Variants in TMEM63B observed in about 807,000 individuals in gnomAD.
TMEM63B encodes transmembrane protein 63B, also known as mechanosensitive cation channel TMEM63B.
Under a neutral mutation model 102.6 loss-of-function variants are expected in TMEM63B, and 23 were observed. The ratio of observed to expected loss-of-function variants is 0.22; its 90% CI spans 0.16 to 0.32. The LOEUF is 0.32. TMEM63B is among the 10% of genes least tolerant of loss of function. TMEM63B has a pLI of 1.00. For missense variants in TMEM63B, 628 were observed against 1,095.9 expected (o/e 0.57, Z 6.03); for synonymous variants, 444 against 437.0 (o/e 1.02, Z -0.20).
Position 44,138,736 on chromosome 6 carries a change from G to GTCCCCCCCC in TMEM63B, c.407+219_407+220insTCCCCCCCC, listed in dbSNP as rs567563400. 624 of 287,772 alleles carry GTCCCCCCCC rather than the reference G, an allele frequency of 2.2e-3. 1 individual carries two copies. Among genetic ancestry groups the GTCCCCCCCC allele is most frequent in the East Asian group, 3.5e-3 (59 of 16,816 alleles). 17.8% of individuals were successfully genotyped at this position (287,772 alleles called of 1,614,324 possible). ...TAATCTCCTCTGTGACCCCCTGCCG[G>GTCCCCCCCC]CCCCCCCGCTTCTCTCCCTGCCCTG... On this transcript the variant is annotated intron_variant, in intron 6 of 23. Transcript: ENST00000323267.
intron 10 of TMEM63B, among the ~76,000 whole-genome samples, chr6:44,141,318 G>T (rs1418363639): frequency 6.6e-6 from 1 of 152,186 alleles, no homozygotes; most frequent in Non-Finnish European, 1.5e-5. Flanking sequence ...CCTGAAGAGT[G>T]AGTCATTCAA....
chr6:44,143,737 A>C (rs1281464433), intron 10 of TMEM63B, among the ~76,000 whole-genome samples: 1 of 152,062 alleles, frequency 6.6e-6, no homozygotes, highest in African/African-American at 2.4e-5. Flanking sequence ...CTAGTAATAG[A>C]GACTGTGTCA....
rs745312021 is a variant in TMEM63B at position 44,139,779 on chromosome 6, G to A, written c.602+20G>A. On this transcript the variant is annotated intron_variant, in intron 8 of 23. Transcript: ENST00000323267. ...ATCAGGGTAAGATGCGAAGCTGGTC[G>A]GCCAGGCCAAGGTCTACGACCAGAG... 67 of 1,614,028 alleles carry A rather than the reference G, an allele frequency of 4.2e-5. 1 individual carries two copies. Among genetic ancestry groups the A allele is most frequent in the Admixed American group, 1.0e-4 (6 of 60,002 alleles).
chr6:44,150,020 T>C lies in TMEM63B; in HGVS notation c.1520+55T>C. 1 of 1,541,204 alleles carries C rather than the reference T, an allele frequency of 6.5e-7. No homozygotes were observed. Among genetic ancestry groups the C allele is most frequent in the Non-Finnish European group, 8.9e-7 (1 of 1,124,998 alleles). ...GCTGTGGCCTGCCCTCAATGACCCA[T>C]CCTCTCTGGGCAGCACTTTGCCCTT... On this transcript the variant is annotated intron_variant, in intron 16 of 23. Coordinates refer to ENST00000323267, the MANE Select transcript of TMEM63B (RefSeq NM_018426.3). This position sits in a 1 kb window ranked among gnomAD's most constrained non-coding sequence, Gnocchi z 4.7.
chr6:44,135,752 C>A (rs1250018430), intron 4 of TMEM63B, among the ~76,000 whole-genome samples: 1 of 152,210 alleles, frequency 6.6e-6, no homozygotes, highest in Non-Finnish European at 1.5e-5. Flanking sequence ...TTCCAGGGTT[C>A]CCTGCTCACC....
rs150132589 is a variant in TMEM63B, at chr6:44,150,542, T to C, written c.1608-22T>C. On this transcript the variant is annotated intron_variant, in intron 17 of 23. Transcript: ENST00000323267. This position sits in a 1 kb window ranked among gnomAD's most constrained non-coding sequence, Gnocchi z 4.7. ...CTGTACCACTCCAGCTCCCACCCCA[T>C]CTCTCCTCTGCTTCCCTCCAGCCTG... 1 of 1,612,312 alleles carries C rather than the reference T, an allele frequency of 6.2e-7. No individual in the cohort carries two copies. Among genetic ancestry groups the C allele is most frequent in the South Asian group, 1.1e-5 (1 of 91,036 alleles).
At chr6:44,149,837 G>GCC in intron 15 of TMEM63B, 22 bp from the exon 16 acceptor site, 1 of 1,590,712 alleles carries the variant, frequency 6.3e-7, no homozygotes, top group Non-Finnish European at 8.6e-7. Flanking sequence ...CCTGCCTGAC[G>GCC]CCCCCCTGTG....
intron 12 of TMEM63B, among the ~76,000 whole-genome samples, chr6:44,147,825 A>T (rs1765736586): frequency 6.6e-6 from 1 of 152,160 alleles, no homozygotes; most frequent in Non-Finnish European, 1.5e-5. Context: ...AGTAATACAT[A>T]TAAAGAAGCT....
At chr6:44,145,592 AAAAAC>A (rs1170314455) in intron 10 of TMEM63B, among the ~76,000 whole-genome samples, 2 of 151,734 alleles carry the variant, frequency 1.3e-5, no homozygotes, top group Non-Finnish European at 2.9e-5. Flanking sequence ...ACTCCGTCTC[AAAAAC>A]AAAACAAAAC....
Position 44,137,031 on chromosome 6 carries a change from C to T in TMEM63B, c.369+592C>T, listed in dbSNP as rs144058456. ...CTGCACTCTAGCCTGGGTGACAGAGCGAGACTCCATCTCAAAACAAACAAA... is the reference window on the plus strand; with the variant it reads ...CTGCACTCTAGCCTGGGTGACAGAGTGAGACTCCATCTCAAAACAAACAAA... On this transcript the variant is annotated intron_variant, in intron 5 of 23. Transcript: ENST00000323267. Among the ~76,000 whole-genome samples, 1,290 of 152,294 alleles carry T rather than the reference C, an allele frequency of 8.5e-3. 16 individuals carry two copies. Among genetic ancestry groups the T allele is most frequent in the African/African-American group, 0.029 (1,207 of 41,554 alleles).
rs555157399 is a variant in TMEM63B, at chr6:44,140,077, T to C, written c.603-175T>C. On this transcript the variant is annotated intron_variant, in intron 8 of 23. Coordinates refer to ENST00000323267, the MANE Select transcript of TMEM63B (RefSeq NM_018426.3). Reference sequence around the variant, plus strand: ...ATATTTTCATTGGAATCGAAGAATTTTGGTGTCTAGGGGATGTGGGATGTG... The same window carrying C: ...ATATTTTCATTGGAATCGAAGAATTCTGGTGTCTAGGGGATGTGGGATGTG... 6.6e-5 allele frequency among the ~76,000 whole-genome samples: 10 copies of C among 152,214 alleles called. No homozygotes were observed. The South Asian group carries it at 1.9e-3, about 28-fold the overall frequency.
intron 1 of TMEM63B, among the ~76,000 whole-genome samples, chr6:44,129,299 C>T (rs768435618): frequency 5.5e-5 from 8 of 144,184 alleles, no homozygotes; most frequent in African/African-American, 7.8e-5. Context: ...ACCTGGGAGG[C>T]GGAGGTTGCA....
In TMEM63B at chr6:44,148,392, C is replaced by A. The variant is rs758766353; in HGVS notation, c.1121+7C>A. ...ATGAGACTATCACCGCCATGTGAGTCCCCAACTCGGCCCTCGGCCCTGAGC... is the reference window on the plus strand; with the variant it reads ...ATGAGACTATCACCGCCATGTGAGTACCCAACTCGGCCCTCGGCCCTGAGC... On this transcript the variant is annotated splice_region_variant and intron_variant, in intron 13 of 23. Transcript: ENST00000323267. This position sits in a 1 kb window ranked among gnomAD's most constrained non-coding sequence, Gnocchi z 5.1. 6.2e-7 allele frequency: 1 copy of A among 1,614,246 alleles called. No individual in the cohort carries two copies. Among genetic ancestry groups the A allele is most frequent in the South Asian group, 1.1e-5 (1 of 91,082 alleles).
At chr6:44,126,662 G>A (rs1321892386), upstream of TMEM63B, among the ~76,000 whole-genome samples, 6 of 152,170 alleles carry the variant, frequency 3.9e-5, no homozygotes, top group African/African-American at 9.7e-5. Context: ...CGTCGGCTGT[G>A]GAAAGCAATA....
chr6:44,147,511 G>A lies in TMEM63B; in HGVS notation c.987+11G>A. 1 of 1,613,868 alleles carries A rather than the reference G, an allele frequency of 6.2e-7. No homozygotes were observed. Among genetic ancestry groups the A allele is most frequent in the Non-Finnish European group, 8.5e-7 (1 of 1,179,844 alleles). On this transcript the variant is annotated intron_variant, in intron 12 of 23. Transcript: ENST00000323267. ...CGAGGCTGTGAGCAGGTATGACGCG[G>A]GCTGGCTGTTGAGTCGGGAGAAGTT... is the stretch of plus-strand genomic sequence containing the variant.
Position 44,150,705 on chromosome 6 carries a change from T to C in TMEM63B, c.1673+76T>C, listed in dbSNP as rs1164162535. ...TGCTTGAGAGACATTGCCAGCCCCA[T>C]GGGAGGGTGCAACAAAGCTTCCAAC... On this transcript the variant is annotated intron_variant, in intron 18 of 23. Coordinates refer to ENST00000323267, the MANE Select transcript of TMEM63B (RefSeq NM_018426.3). The surrounding 1 kb of genome is among the most constrained non-coding windows in gnomAD (Gnocchi z 4.7). The C allele has an allele frequency of 6.8e-6, 10 of 1,465,528 alleles. No homozygotes were observed. The highest frequency in any genetic ancestry group is 8.6e-6 in the Non-Finnish European group (9 of 1,051,612). The allele number at this position is 1,465,528 out of a possible 1,614,324, so 90.8% of individuals were successfully genotyped here.
chr6:44,130,243 T>C (rs1219697054), intron 1 of TMEM63B, among the ~76,000 whole-genome samples: 1 of 152,220 alleles, frequency 6.6e-6, no homozygotes, highest in East Asian at 1.9e-4. Flanking sequence ...TATCTGGGTC[T>C]ACCACAGACT....
Position 44,151,953 on chromosome 6 carries a change from A to G in TMEM63B, c.1781A>G (p.Tyr594Cys). 6.2e-7 allele frequency: 1 copy of G among 1,613,186 alleles called. No individual in the cohort carries two copies. The highest frequency in any genetic ancestry group is 8.5e-7 in the Non-Finnish European group (1 of 1,179,476). Residue 594 changes from tyrosine (Y) to cysteine (C), a missense_variant, in exon 19 of 24, where the codon TAC (tyrosine) becomes TGC (cysteine). Tyr to Cys is a radical substitution (Grantham distance 194). Coordinates refer to ENST00000323267, the MANE Select transcript of TMEM63B (RefSeq NM_018426.3). Reference sequence around the variant, plus strand: ...CTGCGCATCCCAGGCCTGCTCATGTACATGATCCGGCTCTGCCTGGCGCGC... The same window carrying G: ...CTGCGCATCCCAGGCCTGCTCATGTGCATGATCCGGCTCTGCCTGGCGCGC... Reference protein sequence around the residue: ...DLLRIPGLLMYMIRLCLARSA... With the variant: ...DLLRIPGLLMCMIRLCLARSA...
intron 10 of TMEM63B, among the ~76,000 whole-genome samples, chr6:44,141,356 G>A (rs1261747869): frequency 6.6e-6 from 1 of 152,122 alleles, no homozygotes; most frequent in Non-Finnish European, 1.5e-5. Context: ...CCTCCTCCTG[G>A]CTCAGACTGG....
Sources: gnomAD v4.1 joint callset for allele counts (sites outside exome capture counted in the v4.1 genomes callset) on GRCh38, gnomAD v4.1.1 for gene constraint, Gnocchi (gnomAD v3.1) non-coding constraint, MANE v1.5 for transcripts, NCBI Gene and HGNC (gene_info 2026-07-23, HGNC 2026-07-21) for gene names.